SUCLA2: variants seen among roughly 807,000 people sequenced by gnomAD.
SUCLA2 encodes succinate--CoA ligase [ADP-forming] subunit beta, mitochondrial.
A neutral mutation model predicts 54.8 loss-of-function variants in SUCLA2; 30 were observed. The observed-to-expected ratio is 0.55, with a 90% CI of 0.41 to 0.74. The LOEUF (loss-of-function observed/expected upper bound fraction) is 0.74. SUCLA2 is among the 30% of genes least tolerant of loss of function. The pLI, the probability that SUCLA2 is intolerant of heterozygous loss-of-function variation, is 0.00. For missense variants in SUCLA2, 476 were observed against 562.9 expected (o/e 0.85, Z 1.56); for synonymous variants, 172 against 188.9 (o/e 0.91, Z 0.74).
At chr13:47,948,324 AATAT>A (rs1455704777) in intron 10 of SUCLA2, among the ~76,000 whole-genome samples, 3 of 152,066 alleles carry the variant, frequency 2.0e-5, no homozygotes, top group Non-Finnish European at 2.9e-5. Flanking sequence ...ATATTTATCG[AATAT>A]ATAGATAGAT....
chr13:47,995,857 G>A lies in SUCLA2; in HGVS notation c.271+986C>T, dbSNP rs934350865. On this transcript the variant is annotated intron_variant, in intron 2 of 10. Coordinates refer to ENST00000646932, the MANE Select transcript of SUCLA2 (RefSeq NM_003850.3). ...ATCAAAAATTATTTTTTGATTAAGA[G>A]ATTAATTCAAATTGACAAAAGCTAT... Among the ~76,000 whole-genome samples, 5 of 148,846 alleles carry A rather than the reference G, an allele frequency of 3.4e-5. No homozygotes were observed. The East Asian group carries it at 8.0e-4, about 24-fold the overall frequency.
chr13:47,945,522 G>C (rs1364081994), intron 10 of SUCLA2, among the ~76,000 whole-genome samples: 3 of 150,836 alleles, frequency 2.0e-5, no homozygotes, highest in African/African-American at 7.3e-5. Flanking sequence ...AAACATAATG[G>C]AAGGGAAGAC....
At position 47,971,886 on chromosome 13, in the gene SUCLA2, G is replaced by A. The variant is rs112254365; in HGVS notation, c.663+1378C>T. On this transcript the variant is annotated intron_variant, in intron 5 of 10. Transcript: ENST00000646932. Reference sequence around the variant, plus strand: ...CCTCAGTTTCTTCAACAACTGAACTGAAAGAAAAAAGATGACAGCAAAAAA... The same window carrying A: ...CCTCAGTTTCTTCAACAACTGAACTAAAAGAAAAAAGATGACAGCAAAAAA... The A allele has an allele frequency of 4.5e-3, 1,807 of 398,504 alleles. 31 individuals carry two copies. The highest frequency in any genetic ancestry group is 0.033 in the African/African-American group (1,587 of 48,728). 24.7% of individuals were successfully genotyped at this position (398,504 alleles called of 1,614,324 possible).
At chr13:47,961,264 T>C (rs1949869033) in intron 6 of SUCLA2, among the ~76,000 whole-genome samples, 2 of 152,220 alleles carry the variant, frequency 1.3e-5, no homozygotes, top group African/African-American at 4.8e-5. Context: ...TCTGAGTAAG[T>C]TGCAAAGAGA....
At chr13:48,001,039 G>A (rs940637646) in intron 1 of SUCLA2, 141 bp downstream of exon 1, 3 of 1,494,908 alleles carry the variant, frequency 2.0e-6, no homozygotes, top group Non-Finnish European at 2.7e-6. Flanking sequence ...AGCACTCCCA[G>A]GCAAGTCGCC....
rs545425655 is a variant in SUCLA2, at chr13:47,980,339, C to T, written c.535-6947G>A. ...CTGAGGCAGGAGAATGGTGTGAACC[C>T]GGGAAATGCAGGTTGCAGTGAGCTG... On this transcript the variant is annotated intron_variant, in intron 4 of 10. Coordinates refer to ENST00000646932, the MANE Select transcript of SUCLA2 (RefSeq NM_003850.3). 6.6e-5 allele frequency among the ~76,000 whole-genome samples: 10 copies of T among 151,918 alleles called. No homozygotes were observed. The East Asian group carries it at 1.7e-3, about 26-fold the overall frequency.
chr13:47,995,141 G>A (rs1009679619), intron 2 of SUCLA2, among the ~76,000 whole-genome samples: 4 of 152,104 alleles, frequency 2.6e-5, no homozygotes, highest in Non-Finnish European at 5.9e-5. Flanking sequence ...GATCACTTGA[G>A]CCCAGGAGTT....
chr13:47,948,151 G>A (rs528284631), intron 10 of SUCLA2, among the ~76,000 whole-genome samples: 39 of 152,174 alleles, frequency 2.6e-4, no homozygotes, highest in Admixed American at 2.0e-3. Flanking sequence ...TAATGTCTGG[G>A]ATTTGCTTGA....
intron 4 of SUCLA2, among the ~76,000 whole-genome samples, chr13:47,981,179 A>C (rs1281169976): frequency 6.6e-6 from 1 of 152,222 alleles, no homozygotes. Context: ...ATGAGAGAAA[A>C]TATTTGCAAT....
chr13:47,943,744 A>G lies in SUCLA2; in HGVS notation c.1318-299T>C, dbSNP rs867677944. ...GTGTGTATAAAATGTGTGTGTATGT[A>G]TGTGTGTGTGTGTGTGTGTGTGTAT... is the stretch of plus-strand genomic sequence containing the variant. On this transcript the variant is annotated intron_variant, in intron 10 of 10. Coordinates refer to ENST00000646932, the MANE Select transcript of SUCLA2 (RefSeq NM_003850.3). Among the ~76,000 whole-genome samples, 410 of 144,574 alleles carry G rather than the reference A, an allele frequency of 2.8e-3. 1 individual carries two copies. Among genetic ancestry groups the G allele is most frequent in the African/African-American group, 9.1e-3 (358 of 39,332 alleles). The allele number at this position is 144,574 out of a possible 152,430, so 94.8% of individuals were successfully genotyped here. A position where few individuals can be genotyped will look rare whatever the true frequency, so the allele number is the denominator to read the frequency against.
chr13:47,951,517 A>AT (rs1365101374), intron 8 of SUCLA2, among the ~76,000 whole-genome samples: 1 of 152,176 alleles, frequency 6.6e-6, no homozygotes, highest in Non-Finnish European at 1.5e-5. Flanking sequence ...TCTTTGGATG[A>AT]TTCCAGCCAT....
intron 6 of SUCLA2, among the ~76,000 whole-genome samples, chr13:47,962,921 C>A (rs774940744): frequency 2.6e-5 from 4 of 152,202 alleles, no homozygotes; most frequent in Non-Finnish European, 5.9e-5. Flanking sequence ...AGAACTGCAA[C>A]TCACCAGATC....
At chr13:48,000,739 G>A (rs1950223565) in intron 1 of SUCLA2, among the ~76,000 whole-genome samples, 1 of 152,198 alleles carries the variant, frequency 6.6e-6, no homozygotes. Context: ...AAGCACCGCT[G>A]GTCCTCTGAC....
rs35349385 is a variant in SUCLA2, at chr13:47,945,249, T to TAAA, written c.1318-1807_1318-1805dup. Among the ~76,000 whole-genome samples, 15 of 85,186 alleles carry TAAA rather than the reference T, an allele frequency of 1.8e-4. No homozygotes were observed. The South Asian group carries it at 2.2e-3, about 12-fold the overall frequency. The allele number at this position is 85,186 out of a possible 152,430, so 55.9% of individuals were successfully genotyped here. A position where few individuals can be genotyped will look rare whatever the true frequency, so the allele number is the denominator to read the frequency against. ...GGGCAACAAGACCAAAACTCTGTCT[T>TAAA]AAAAAAAAAAAAAAAAAAAAAAAAT... On this transcript the variant is annotated intron_variant, in intron 10 of 10. Transcript: ENST00000646932.
At position 47,943,052 on chromosome 13, in the gene SUCLA2, T is replaced by A. The variant is rs534469197; in HGVS notation, c.*319A>T. Reference sequence around the variant, plus strand: ...AAGCTTTATCTTCGTATTTATCTTATTTATAGGACTCTTATCAATGAAGAA... The same window carrying A: ...AAGCTTTATCTTCGTATTTATCTTAATTATAGGACTCTTATCAATGAAGAA... On this transcript the variant is annotated 3_prime_UTR_variant, in exon 11 of 11. Transcript: ENST00000646932. 43 of 322,920 alleles carry A rather than the reference T, an allele frequency of 1.3e-4. 2 individuals are homozygous for A. The highest frequency in any genetic ancestry group is 1.1e-3 in the South Asian group (34 of 29,620). 20.0% of individuals were successfully genotyped at this position (322,920 alleles called of 1,614,324 possible).
intron 2 of SUCLA2, chr13:47,991,636 T>C (rs1282764227): frequency 6.6e-6 from 1 of 152,228 alleles, no homozygotes; most frequent in African/African-American, 2.4e-5. Context: ...TATTCATAGA[T>C]GTTAACAAGC....
At chr13:47,998,296 T>TAAAAAAAAAAAAAAAAAAAAA (rs58573331) in intron 1 of SUCLA2, among the ~76,000 whole-genome samples, 2 of 136,188 alleles carry the variant, frequency 1.5e-5, no homozygotes, top group African/African-American at 2.8e-5. Flanking sequence ...ATAAATAAGT[T>TAAAAAAAAAAAAAAAAAAAAA]AAAAAAAAAA....
intron 5 of SUCLA2, among the ~76,000 whole-genome samples, chr13:47,972,691 A>G (rs1358550224): frequency 6.0e-5 from 9 of 150,576 alleles, no homozygotes; most frequent in Non-Finnish European, 4.4e-5. Flanking sequence ...AAAAGAAAGA[A>G]AGAAAAGAAA....
intron 6 of SUCLA2, among the ~76,000 whole-genome samples, chr13:47,957,085 TCAC>T (rs990612114): frequency 1.4e-4 from 22 of 152,176 alleles, no homozygotes; most frequent in African/African-American, 4.6e-4. Flanking sequence ...ACTCACCAGA[TCAC>T]CACATCCAGA....
Sources: allele counts gnomAD v4.1 joint callset (sites outside exome capture counted in the v4.1 genomes callset), GRCh38; gene constraint gnomAD v4.1.1; transcripts MANE v1.5; gene names NCBI Gene and HGNC (gene_info 2026-07-23, HGNC 2026-07-21).